Variants in DUSP12 observed in about 807,000 individuals in gnomAD.
The protein encoded by DUSP12 is dual specificity phosphatase 12, also known as dual specificity protein phosphatase 12.
In DUSP12, 25 loss-of-function variants were observed where a neutral mutation model predicts 38.9. The ratio of observed to expected loss-of-function variants is 0.64; its 90% CI spans 0.47 to 0.90. DUSP12 has a LOEUF of 0.90. Among genes scored for constraint, DUSP12 ranks in the 40% least tolerant of loss-of-function variants. The pLI, the probability that DUSP12 is intolerant of heterozygous loss-of-function variation, is 0.00. For synonymous variants in DUSP12, 153 were observed against 153.9 expected (o/e 0.99, Z 0.05); for missense variants, 403 against 427.0 (o/e 0.94, Z 0.50).
chr1:161,755,091 A>G (rs1684089638), intron 5 of DUSP12, among the ~76,000 whole-genome samples: 1 of 152,160 alleles, frequency 6.6e-6, no homozygotes, highest in Non-Finnish European at 1.5e-5. Flanking sequence ...CAGCCTCCCA[A>G]AGTGCTGGGA....
chr1:161,755,781 A>G (rs1267648253), intron 5 of DUSP12, among the ~76,000 whole-genome samples: 1 of 152,176 alleles, frequency 6.6e-6, no homozygotes, highest in Admixed American at 6.5e-5. Context: ...ATTGCTTATC[A>G]GATTTTTTAT....
At position 161,757,078 on chromosome 1, in the gene DUSP12, T is replaced by A; in HGVS notation, c.*131T>A. 1.1e-6 allele frequency: 1 copy of A among 870,648 alleles called. No homozygotes were observed. The highest frequency in any genetic ancestry group is 1.7e-6 in the Non-Finnish European group (1 of 587,654). The allele number at this position is 870,648 out of a possible 1,614,324, so 53.9% of individuals were successfully genotyped here. On this transcript the variant is annotated 3_prime_UTR_variant, in exon 6 of 6. Coordinates refer to ENST00000367943, the MANE Select transcript of DUSP12 (RefSeq NM_007240.3). Reference sequence around the variant, plus strand: ...TGGGAGAAGATAAAATCACTTGATGTAACCTGGAAACTATGCTTTACATGG... The same window carrying A: ...TGGGAGAAGATAAAATCACTTGATGAAACCTGGAAACTATGCTTTACATGG...
intron 5 of DUSP12, among the ~76,000 whole-genome samples, chr1:161,754,746 A>T (rs1684085002): frequency 6.6e-6 from 1 of 152,172 alleles, no homozygotes; most frequent in African/African-American, 2.4e-5. Context: ...CTCTTCTTCC[A>T]CACTTGGGGA....
chr1:161,754,878 T>C (rs1444296326), intron 5 of DUSP12, among the ~76,000 whole-genome samples: 2 of 152,178 alleles, frequency 1.3e-5, no homozygotes. Flanking sequence ...TTGCCCAGGC[T>C]GGAGTACAAT....
chr1:161,751,844 T>G (rs1451879563), intron 2 of DUSP12, 22 bp from the exon 3 acceptor site: 1 of 1,603,020 alleles, frequency 6.2e-7, no homozygotes, highest in African/African-American at 1.3e-5. Flanking sequence ...AAATGAAACT[T>G]TATATTTCTT....
Position 161,751,739 on chromosome 1 carries a change from A to C in DUSP12, c.416A>C (p.Glu139Ala). The change falls in exon 2 of 6, where the codon GAA becomes GCA. Residue 139 changes from glutamate (E) to alanine (A), a missense_variant. Transcript: ENST00000367943. ...FLMKTDQLPF[E>A]KAYEKLQILK... ...ATGAAGACTGACCAACTTCCCTTTG[A>C]AAAAGCCTATGAAAAGCTCCAGATT... is the stretch of plus-strand genomic sequence containing the variant. 1 of 1,613,688 alleles carries C rather than the reference A, an allele frequency of 6.2e-7. No individual in the cohort carries two copies. The highest frequency in any genetic ancestry group is 8.5e-7 in the Non-Finnish European group (1 of 1,179,860).
chr1:161,750,230 G>C (rs925629666), intron 1 of DUSP12, 85 bp downstream of exon 1: 17 of 1,444,884 alleles, frequency 1.2e-5, no homozygotes, highest in Middle Eastern at 3.8e-4. Context: ...GCCGTCGGGA[G>C]GACAAGAGCG....
chr1:161,750,271 C>A, intron 1 of DUSP12, 126 bp downstream of exon 1: 2 of 1,030,486 alleles, frequency 1.9e-6, no homozygotes, highest in Non-Finnish European at 2.8e-6. Flanking sequence ...CCTCCCGCTG[C>A]CTCCCGCAGG....
intron 4 of DUSP12, 59 bp downstream of exon 4, chr1:161,752,523 A>T: frequency 2.6e-6 from 3 of 1,147,188 alleles, no homozygotes; most frequent in Non-Finnish European, 3.8e-6. Flanking sequence ...AAAAGTACTT[A>T]ATGTTTTATT....
At chr1:161,750,285 C>G (rs866683306) in intron 1 of DUSP12, 140 bp downstream of exon 1, 2 of 914,266 alleles carry the variant, frequency 2.2e-6, no homozygotes, top group African/African-American at 1.7e-5. Flanking sequence ...CCGCAGGAGG[C>G]GTGTTTCCAA....
chr1:161,751,969 A>G lies in DUSP12; in HGVS notation c.562A>G (p.Thr188Ala). 6.2e-7 allele frequency: 1 copy of G among 1,607,046 alleles called. No individual in the cohort carries two copies. The highest frequency in any genetic ancestry group is 8.5e-7 in the Non-Finnish European group (1 of 1,175,674). ...TAAGCAATATCGTTTACAAAAGGTT[A>G]CAGAGAAGTATCCAGGTAAGTAATA... The part of the protein sequence containing the change: ...IYKQYRLQKV[T>A]EKYPELQNLP... The change falls in exon 3 of 6, where the codon ACA becomes GCA. Residue 188 changes from threonine to alanine, a missense_variant. Physicochemically the swap from Thr to Ala is moderately conservative, Grantham distance 58. Transcript: ENST00000367943.
intron 1 of DUSP12, 28 bp downstream of exon 1, chr1:161,750,173 G>T: frequency 6.3e-7 from 1 of 1,581,670 alleles, no homozygotes. Flanking sequence ...TGGGTGACGT[G>T]CCCCGCCAAG....
chr1:161,756,229 TAAATC>T, intron 5 of DUSP12, among the ~76,000 whole-genome samples: 1 of 152,240 alleles, frequency 6.6e-6, no homozygotes, highest in Admixed American at 6.5e-5. Context: ...ATACCATGCA[TAAATC>T]AAAGAGCTAA....
At chr1:161,756,393 T>G (rs945929829) in intron 5 of DUSP12, among the ~76,000 whole-genome samples, 24 of 151,168 alleles carry the variant, frequency 1.6e-4, no homozygotes, top group Admixed American at 1.3e-4. Flanking sequence ...ACACAGTTAG[T>G]AATACAGCAT....
In DUSP12 at chr1:161,751,729, C is replaced by A; in HGVS notation, c.406C>A (p.Leu136Ile). ...ITAFLMKTDQLPFEKAYEKLQ... is the reference protein window; with the variant it reads ...ITAFLMKTDQIPFEKAYEKLQ... ...TGCTTTTCTCATGAAGACTGACCAA[C>A]TTCCCTTTGAAAAAGCCTATGAAAA... The change falls in exon 2 of 6, where the codon CTT becomes ATT. Residue 136 changes from leucine (L) to isoleucine (I), a missense_variant. Leu to Ile is a conservative substitution (Grantham distance 5). Transcript: ENST00000367943. The A allele has an allele frequency of 6.2e-7, 1 of 1,613,580 alleles. No individual in the cohort carries two copies. The highest frequency in any genetic ancestry group is 1.1e-5 in the South Asian group (1 of 90,946).
Position 161,756,911 on chromosome 1 carries a change from A to G in DUSP12, c.987A>G (p.Ile329Met), listed in dbSNP as rs1684118937. Reference protein sequence around the residue: ...IHKNRVDEMKILPVLGSQTGK... With the variant: ...IHKNRVDEMKMLPVLGSQTGK... The stretch of plus-strand genomic sequence containing the variant: ...AGAATAGAGTGGATGAAATGAAAAT[A>G]TTGCCTGTTTTGGGATCACAAACAG... The change falls in exon 6 of 6, where the codon ATA becomes ATG. Residue 329 changes from isoleucine to methionine, a missense_variant. Ile to Met is a conservative substitution (Grantham distance 10, BLOSUM62 1). Coordinates refer to ENST00000367943, the MANE Select transcript of DUSP12 (RefSeq NM_007240.3). 6.2e-7 allele frequency: 1 copy of G among 1,612,410 alleles called. No individual in the cohort carries two copies. Among genetic ancestry groups the G allele is most frequent in the Non-Finnish European group, 8.5e-7 (1 of 1,178,984 alleles).
At position 161,756,857 on chromosome 1, in the gene DUSP12, G is replaced by A; in HGVS notation, c.933G>A (p.Arg311=). 6.2e-7 allele frequency: 1 copy of A among 1,613,962 alleles called. No homozygotes were observed. Among genetic ancestry groups the A allele is most frequent in the Non-Finnish European group, 8.5e-7 (1 of 1,179,884 alleles). The change falls in exon 6 of 6, where the codon AGG becomes AGA. Residue 311 remains arginine, a synonymous_variant. Transcript: ENST00000367943. ...ATGGTGAACAGTGCTCTTGTGGTAG[G>A]TGGATAACACCTGCTTTTCAAATAC... ...NWYGEQCSCG[R]WITPAFQIHK...
chr1:161,751,374 G>A (rs1329484320), intron 1 of DUSP12: 4 of 217,794 alleles, frequency 1.8e-5, no homozygotes, highest in Non-Finnish European at 3.6e-5. Context: ...GATTTCAGGC[G>A]TAGGTAAGCC....
intron 5 of DUSP12, among the ~76,000 whole-genome samples, chr1:161,756,002 T>C (rs56124956): frequency 0.035 from 5,302 of 152,178 alleles, 119 homozygotes; most frequent in Non-Finnish European, 0.056. Context: ...ATTACAGGCA[T>C]CCGCCACCAT....
Sources: allele counts gnomAD v4.1 joint callset (sites outside exome capture counted in the v4.1 genomes callset), GRCh38; gene constraint gnomAD v4.1.1; transcripts MANE v1.5; gene names NCBI Gene and HGNC (gene_info 2026-07-23, HGNC 2026-07-21).